SEMA3E: variants seen among roughly 807,000 people sequenced by gnomAD.
SEMA3E encodes the protein semaphorin 3E, also known as semaphorin-3E.
In SEMA3E, 49 loss-of-function variants were observed where a neutral mutation model predicts 93.6. The observed-to-expected ratio is 0.52, with a 90% confidence interval of 0.42 to 0.66. The LOEUF (loss-of-function observed/expected upper bound fraction) is 0.66, where lower values mean the gene tolerates loss of function less well. SEMA3E is among the 30% of genes least tolerant of loss of function. SEMA3E has a pLI of 0.00. For missense variants in SEMA3E, 906 were observed against 964.8 expected, an observed-to-expected ratio of 0.94 and a Z score of 0.81; for synonymous variants, 363 against 330.7, an observed-to-expected ratio of 1.10 and a Z score of -1.06.
At chr7:83,507,422 C>CTGTGTGTGTG (rs1491470723) in intron 1 of SEMA3E, among the ~76,000 whole-genome samples, 3 of 102,426 alleles carry the variant, frequency 2.9e-5, no homozygotes, top group East Asian at 3.4e-4. Flanking sequence ...CAAAACAGAA[C>CTGTGTGTGTG]TCTGTGTGTG....
At chr7:83,466,350 G>T in intron 4 of SEMA3E, 132 bp downstream of exon 4, 1 of 1,087,158 alleles carries the variant, frequency 9.2e-7, no homozygotes, top group Non-Finnish European at 1.4e-6. Flanking sequence ...TAATTTCTCT[G>T]TCTCAAGCAA....
Position 83,407,150 on chromosome 7 carries a change from C to T in SEMA3E, c.760G>A (p.Glu254Lys). 1.9e-6 allele frequency: 3 copies of T among 1,613,628 alleles called. No individual in the cohort carries two copies. The highest frequency in any genetic ancestry group is 2.5e-6 in the Non-Finnish European group (3 of 1,179,820). The change falls in exon 7 of 17, where the codon GAG becomes AAG. Residue 254 changes from glutamate (E) to lysine (K), a missense_variant. By Grantham distance (56) the Glu-to-Lys change is moderately conservative. Coordinates refer to ENST00000643230, the MANE Select transcript of SEMA3E (RefSeq NM_012431.3). ...VYFFFTEKALEAENNAHAIYT... is the reference protein window; with the variant it reads ...VYFFFTEKALKAENNAHAIYT... ...ATTGCGTGAGCATTGTTTTCTGCCTCCAGTGCCTTCTCAGTAAAAAAGAAA... is the reference window on the plus strand; with the variant it reads ...ATTGCGTGAGCATTGTTTTCTGCCTTCAGTGCCTTCTCAGTAAAAAAGAAA...
At chr7:83,507,114 A>G (rs1456523621) in intron 1 of SEMA3E, among the ~76,000 whole-genome samples, 1 of 152,170 alleles carries the variant, frequency 6.6e-6, no homozygotes, top group Admixed American at 6.6e-5. Flanking sequence ...CTAGACCCCA[A>G]CTTTATCAGA....
At chr7:83,436,401 G>A (rs985398978) in intron 4 of SEMA3E, among the ~76,000 whole-genome samples, 12 of 151,466 alleles carry the variant, frequency 7.9e-5, no homozygotes, top group Admixed American at 1.3e-4. Flanking sequence ...TAACTCAAGT[G>A]GCAGATAAGA....
intron 1 of SEMA3E, among the ~76,000 whole-genome samples, chr7:83,571,834 C>T (rs1792292934): frequency 6.6e-6 from 1 of 152,146 alleles, no homozygotes; most frequent in African/African-American, 2.4e-5. Context: ...CCTGAAGACT[C>T]CACCAAAAGG....
intron 4 of SEMA3E, among the ~76,000 whole-genome samples, chr7:83,420,668 T>C (rs1788654734): frequency 6.6e-6 from 1 of 152,056 alleles, no homozygotes; most frequent in Non-Finnish European, 1.5e-5. Context: ...GAAATAAAGC[T>C]GCATATCTAC....
chr7:83,514,317 G>A (rs975431359), intron 1 of SEMA3E, among the ~76,000 whole-genome samples: 1 of 152,012 alleles, frequency 6.6e-6, no homozygotes, highest in Non-Finnish European at 1.5e-5. Context: ...TAATAAACTT[G>A]CCTTCACTTT....
chr7:83,428,203 C>A (rs1788811549), intron 4 of SEMA3E, among the ~76,000 whole-genome samples: 2 of 152,156 alleles, frequency 1.3e-5, no homozygotes, highest in South Asian at 4.1e-4. Context: ...ACAGCAGGTG[C>A]CACATGTGAT....
At chr7:83,439,293 T>C (rs186364504) in intron 4 of SEMA3E, among the ~76,000 whole-genome samples, 15 of 152,298 alleles carry the variant, frequency 9.8e-5, no homozygotes, top group African/African-American at 3.4e-4. Flanking sequence ...AAATCCACCA[T>C]CTGCACAGTA....
At position 83,366,152 on chromosome 7, in the gene SEMA3E, A is replaced by G. The variant is rs928003327; in HGVS notation, c.*1434T>C. 17 of 152,126 alleles carry G rather than the reference A, an allele frequency of 1.1e-4. No individual in the cohort carries two copies. Among genetic ancestry groups the G allele is most frequent in the Non-Finnish European group, 2.2e-4 (15 of 67,962 alleles). 9.4% of individuals were successfully genotyped at this position (152,126 alleles called of 1,614,324 possible). The stretch of plus-strand genomic sequence containing the variant: ...AACTTAAATGTATAACCTATAAGCT[A>G]ACTTTGAAAACTGAAATAAACACTG... On this transcript the variant is annotated 3_prime_UTR_variant, in exon 17 of 17. Transcript: ENST00000643230.
rs377608971 is a variant in SEMA3E, at chr7:83,385,433, C to G, written c.1736G>C (p.Gly579Ala). 3 of 1,613,060 alleles carry G rather than the reference C, an allele frequency of 1.9e-6. No individual in the cohort carries two copies. The African/African-American group carries it at 4.0e-5, about 22-fold the overall frequency. The change falls in exon 16 of 17, where the codon GGG becomes GCG. Residue 579 changes from glycine to alanine, a missense_variant and splice_region_variant. Transcript: ENST00000643230. The stretch of plus-strand genomic sequence containing the variant: ...TTCTTCAGTCTTATCCAAAGCATCC[C>G]CTACAACAGGAACATTAATGCCATC... The part of the protein sequence containing the change: ...AQQCFGQQFV[G>A]DALDKTEEHL...
Position 83,420,297 on chromosome 7 carries a change from C to T in SEMA3E, c.457-1814G>A, listed in dbSNP as rs142945511. On this transcript the variant is annotated intron_variant, in intron 4 of 16. Coordinates refer to ENST00000643230, the MANE Select transcript of SEMA3E (RefSeq NM_012431.3). ...ATAAGGAGATACTGCTGCAGAAAAT[C>T]ATATAGATGATACAAACAAATGGAA... Among the ~76,000 whole-genome samples the T allele has an allele frequency of 2.3e-3, 352 of 152,118 alleles. 1 individual carries two copies. Among genetic ancestry groups the T allele is most frequent in the Middle Eastern group, 0.014 (4 of 294 alleles).
intron 1 of SEMA3E, among the ~76,000 whole-genome samples, chr7:83,624,125 T>G (rs1265325615): frequency 6.6e-6 from 1 of 152,236 alleles, no homozygotes; most frequent in Non-Finnish European, 1.5e-5. Context: ...AGTCTCTCCA[T>G]GATGGACATT....
At chr7:83,482,947 T>C (rs976491107) in intron 2 of SEMA3E, among the ~76,000 whole-genome samples, 1 of 151,664 alleles carries the variant, frequency 6.6e-6, no homozygotes, top group Non-Finnish European at 1.5e-5. Context: ...AGCAATGTGT[T>C]ACTGGTGGAC....
Position 83,365,940 on chromosome 7 carries a change from A to C in SEMA3E, c.*1646T>G, listed in dbSNP as rs2116889267. On this transcript the variant is annotated 3_prime_UTR_variant, in exon 17 of 17. Coordinates refer to ENST00000643230, the MANE Select transcript of SEMA3E (RefSeq NM_012431.3). ...TTTTCAGTTATTATTTAATGGCAGT[A>C]ATGACCTCCAGTGGATTCTTGGGTA... is the stretch of plus-strand genomic sequence containing the variant. 6.6e-6 allele frequency: 1 copy of C among 152,270 alleles called. No individual in the cohort carries two copies. Among genetic ancestry groups the C allele is most frequent in the Non-Finnish European group, 1.5e-5 (1 of 67,972 alleles). 9.4% of individuals were successfully genotyped at this position (152,270 alleles called of 1,614,324 possible).
intron 16 of SEMA3E, chr7:83,371,769 T>C (rs539017808): frequency 6.6e-6 from 1 of 152,190 alleles, no homozygotes; most frequent in South Asian, 2.1e-4. Flanking sequence ...CTGAACATAC[T>C]CTTTTTCCCT....
chr7:83,516,103 C>T (rs955179119), intron 1 of SEMA3E, among the ~76,000 whole-genome samples: 2 of 152,116 alleles, frequency 1.3e-5, no homozygotes, highest in Non-Finnish European at 2.9e-5. Context: ...CAGTGATCCT[C>T]TCAGATCATT....
chr7:83,593,285 TGTGTGTGTGTG>T (rs1792796169), intron 1 of SEMA3E, among the ~76,000 whole-genome samples: 1 of 5,752 alleles, frequency 1.7e-4, no homozygotes, highest in African/African-American at 1.0e-3. Context: ...TCTCTCTCTC[TGTGTGTGTGTG>T]TGTGTGTGTG....
chr7:83,401,255 A>C (rs147149148), intron 10 of SEMA3E, among the ~76,000 whole-genome samples: 2 of 152,100 alleles, frequency 1.3e-5, no homozygotes, highest in African/African-American at 4.8e-5. Context: ...CTCGTTTTAC[A>C]TATTTTCCTC....
Sources: gnomAD v4.1 joint callset for allele counts (sites outside exome capture counted in the v4.1 genomes callset) on GRCh38, gnomAD v4.1.1 for gene constraint, MANE v1.5 for transcripts, NCBI Gene and HGNC (gene_info 2026-07-23, HGNC 2026-07-21) for gene names.